DCAF6: variants seen among roughly 807,000 people sequenced by gnomAD.
The protein encoded by DCAF6 is DDB1- and CUL4-associated factor 6.
Under a neutral mutation model 125.1 loss-of-function variants are expected in DCAF6, and 54 were observed. The observed-to-expected ratio is 0.43, with a 90% CI of 0.35 to 0.54. DCAF6 has a LOEUF of 0.54. Ranked by LOEUF, DCAF6 falls within the 20% of genes least tolerant of loss-of-function variation. The pLI is 0.01. For synonymous variants in DCAF6, 371 were observed against 390.4 expected (o/e 0.95, Z 0.58); for missense variants, 934 against 1,161.7 (o/e 0.80, Z 2.85).
chr1:167,906,231 A>G, the DCAF6 span, among the ~76,000 whole-genome samples: 1 of 152,184 alleles, frequency 6.6e-6, no homozygotes, highest in African/African-American at 2.4e-5. Flanking sequence ...TATATAGTAT[A>G]CATTTAAAAA....
rs149028534 is a variant in DCAF6 at position 167,958,018 on chromosome 1, G to C, written c.159+6157G>C. ...GTCTTTTTGTTGTTGAGTTGTGTTT[G>C]TATATTCTGGGACTCTTGTCATGGG... On this transcript the variant is annotated intron_variant, in intron 2 of 21. Transcript: ENST00000367840. 2.1e-3 allele frequency among the ~76,000 whole-genome samples: 318 copies of C among 152,154 alleles called. 2 individuals are homozygous for C. Among genetic ancestry groups the C allele is most frequent in the African/African-American group, 7.2e-3 (297 of 41,538 alleles).
chr1:167,884,890 G>A, the DCAF6 span, among the ~76,000 whole-genome samples: 1 of 151,936 alleles, frequency 6.6e-6, no homozygotes, highest in Non-Finnish European at 1.5e-5. Flanking sequence ...TAGAGACGGG[G>A]TTTCACTGTG....
the DCAF6 span, among the ~76,000 whole-genome samples, chr1:167,928,446 T>A: frequency 6.6e-6 from 1 of 152,240 alleles, no homozygotes; most frequent in East Asian, 1.9e-4. Context: ...GTAAATAATA[T>A]GTCAAATAAA....
chr1:168,069,378 T>C (rs1692754136), intron 21 of DCAF6, among the ~76,000 whole-genome samples: 1 of 152,218 alleles, frequency 6.6e-6, no homozygotes, highest in Admixed American at 6.5e-5. Context: ...CTGTGACTAC[T>C]CCATCCACAC....
At chr1:167,977,506 T>G (rs1571764826) in intron 4 of DCAF6, among the ~76,000 whole-genome samples, 2 of 152,232 alleles carry the variant, frequency 1.3e-5, no homozygotes, top group African/African-American at 4.8e-5. Context: ...TTGACTACTT[T>G]TAATTTTGTT....
At chr1:167,979,913 T>C (rs558137478) in intron 4 of DCAF6, among the ~76,000 whole-genome samples, 3 of 150,520 alleles carry the variant, frequency 2.0e-5, no homozygotes, top group African/African-American at 7.4e-5. Context: ...CTGGGCGCAG[T>C]GGCTCACACC....
At chr1:168,072,294 TAAAAAA>T (rs59674650) in intron 21 of DCAF6, among the ~76,000 whole-genome samples, 680 of 40,974 alleles carry the variant, frequency 0.017, 5 homozygotes, top group African/African-American at 0.052. Flanking sequence ...AGAATCAGTC[TAAAAAA>T]AAAAAAAAAA....
At position 168,072,321 on chromosome 1, in the gene DCAF6, AAAAAG is replaced by A. The variant is rs1190875918; in HGVS notation, c.2792-3039_2792-3035del. ...AAAAAAAAAAAAAAAAAAAAAAAAA[AAAAAG>A]AAAAGAAAAGTCTTCCCTGGTCACT... is the stretch of plus-strand genomic sequence containing the variant. On this transcript the variant is annotated intron_variant, in intron 21 of 21. Transcript: ENST00000367840. Among the ~76,000 whole-genome samples, 254 of 146,310 alleles carry A rather than the reference AAAAAG, an allele frequency of 1.7e-3. 5 individuals are homozygous for A. The highest frequency in any genetic ancestry group is 6.3e-3 in the African/African-American group (239 of 38,204).
chr1:167,901,827 G>C, the DCAF6 span: 1 of 1,614,092 alleles, frequency 6.2e-7, no homozygotes, highest in East Asian at 2.2e-5. Context: ...GACATGCCGC[G>C]GGCTTTTGAC....
Position 168,025,470 on chromosome 1 carries a change from G to T in DCAF6, c.1609+2423G>T, listed in dbSNP as rs182468338. On this transcript the variant is annotated intron_variant, in intron 12 of 21. Coordinates refer to ENST00000367840, the MANE Select transcript of DCAF6 (RefSeq NM_001198956.2). ...GAGTGGCTTTGGCAGAAGCTGCACC[G>T]TAGTAGACTATCAGAAATGTAGCTT... 5.9e-5 allele frequency among the ~76,000 whole-genome samples: 9 copies of T among 152,272 alleles called. 1 individual carries two copies. Among genetic ancestry groups the T allele is most frequent in the Admixed American group, 5.9e-4 (9 of 15,308 alleles).
chr1:167,979,140 A>G (rs1350617660), intron 4 of DCAF6, among the ~76,000 whole-genome samples: 1 of 151,982 alleles, frequency 6.6e-6, no homozygotes, highest in Non-Finnish European at 1.5e-5. Flanking sequence ...TTGTTATAGT[A>G]TGACTTGAGT....
At chr1:167,906,511 G>A in the DCAF6 span, among the ~76,000 whole-genome samples, 3 of 151,968 alleles carry the variant, frequency 2.0e-5, no homozygotes, top group South Asian at 6.2e-4. Context: ...TGAGATGCTA[G>A]ATGCAGTGGT....
intron 17 of DCAF6, 121 bp from the exon 18 acceptor site, chr1:168,063,500 G>A (rs977087441): frequency 5.3e-6 from 4 of 752,604 alleles, no homozygotes; most frequent in Admixed American, 4.2e-5. Flanking sequence ...TTGGTTGGGG[G>A]TGCCTTATTG....
chr1:167,960,439 C>G (rs1204060908), intron 2 of DCAF6, among the ~76,000 whole-genome samples: 2 of 152,084 alleles, frequency 1.3e-5, no homozygotes, highest in Non-Finnish European at 2.9e-5. Context: ...GCTGGGATTA[C>G]AGGCACGCGC....
At chr1:167,884,773 C>T in the DCAF6 span, among the ~76,000 whole-genome samples, 1 of 149,928 alleles carries the variant, frequency 6.7e-6, no homozygotes, top group African/African-American at 2.5e-5. Context: ...TCTCGGCTCA[C>T]TGCAACCTCT....
At chr1:168,010,872 A>G (rs1214819787) in intron 10 of DCAF6, among the ~76,000 whole-genome samples, 1 of 152,136 alleles carries the variant, frequency 6.6e-6, no homozygotes, top group African/African-American at 2.4e-5. Context: ...CATGTTAAGA[A>G]TCTTTTCATA....
At chr1:168,064,901 T>G (rs1692133520) in intron 18 of DCAF6, among the ~76,000 whole-genome samples, 1 of 152,212 alleles carries the variant, frequency 6.6e-6, no homozygotes, top group African/African-American at 2.4e-5. Flanking sequence ...TGCCTTTGAT[T>G]CTGCTTCATA....
At chr1:167,905,627 C>T in the DCAF6 span, among the ~76,000 whole-genome samples, 1 of 148,326 alleles carries the variant, frequency 6.7e-6, no homozygotes, top group East Asian at 2.0e-4. Flanking sequence ...AGATGTGATT[C>T]GTGTGTGTGA....
chr1:168,041,084 G>A, intron 13 of DCAF6, among the ~76,000 whole-genome samples: 1 of 151,776 alleles, frequency 6.6e-6, no homozygotes, highest in Non-Finnish European at 1.5e-5. Flanking sequence ...CCTTGAAAAC[G>A]GGCATGTTTA....
Sources: gnomAD v4.1 joint callset for allele counts (sites outside exome capture counted in the v4.1 genomes callset) on GRCh38, gnomAD v4.1.1 for gene constraint, MANE v1.5 for transcripts, NCBI Gene and HGNC (gene_info 2026-07-23, HGNC 2026-07-21) for gene names.